TAMM41: variants seen among roughly 807,000 people sequenced by gnomAD.
The protein encoded by TAMM41 is phosphatidate cytidylyltransferase, mitochondrial.
Under a neutral mutation model 44.1 loss-of-function variants are expected in TAMM41, and 36 were observed. That is an observed-to-expected ratio of 0.82 (90% CI 0.63 to 1.08). TAMM41 has a LOEUF of 1.08. Ranked by LOEUF, TAMM41 falls within the 50% of genes least tolerant of loss-of-function variation. The pLI, the probability that TAMM41 is intolerant of heterozygous loss-of-function variation, is 0.00. For missense variants in TAMM41, 417 were observed against 404.3 expected (o/e 1.03, Z -0.27); for synonymous variants, 164 against 153.1 (o/e 1.07, Z -0.53).
chr3:11,837,387 G>A (rs1451749734), intron 3 of TAMM41, among the ~76,000 whole-genome samples: 2 of 150,966 alleles, frequency 1.3e-5, no homozygotes, highest in Non-Finnish European at 2.9e-5. Flanking sequence ...CTTTCTCAGA[G>A]CACAGACTGA....
chr3:11,817,038 AT>A, intron 5 of TAMM41, 153 bp downstream of exon 5: 1 of 741,238 alleles, frequency 1.3e-6, no homozygotes. Flanking sequence ...TTTTAGCATT[AT>A]TCCAGATACA....
intron 3 of TAMM41, chr3:11,830,640 C>T (rs1300456641): frequency 6.6e-6 from 1 of 151,922 alleles, no homozygotes; most frequent in Non-Finnish European, 1.5e-5. Context: ...TTTGGGAGGC[C>T]AAAGCAGGGG....
chr3:11,756,432 C>T, the TAMM41 span, among the ~76,000 whole-genome samples: 2 of 152,162 alleles, frequency 1.3e-5, no homozygotes, highest in Admixed American at 6.6e-5. Context: ...TCCAGACAGT[C>T]TCTCAGTTAA....
the TAMM41 span, among the ~76,000 whole-genome samples, chr3:11,752,311 CA>C: frequency 6.6e-6 from 1 of 152,040 alleles, no homozygotes; most frequent in Non-Finnish European, 1.5e-5. Context: ...TTGTGAAGAG[CA>C]AAAGAACAAA....
the TAMM41 span, among the ~76,000 whole-genome samples, chr3:11,723,436 T>C: frequency 1.3e-5 from 2 of 151,846 alleles, no homozygotes; most frequent in Non-Finnish European, 2.9e-5. Flanking sequence ...AAAAATTAGC[T>C]GGGCGTGGTG....
rs770980062 is a variant in TAMM41 at position 11,809,603 on chromosome 3, A to G, written c.788T>C (p.Met263Thr). 1.2e-6 allele frequency: 2 copies of G among 1,614,136 alleles called. No individual in the cohort carries two copies. Among genetic ancestry groups the G allele is most frequent in the Non-Finnish European group, 1.7e-6 (2 of 1,179,988 alleles). The change falls in exon 6 of 8, where the codon ATG becomes ACG. Residue 263 changes from methionine (M) to threonine (T), a missense_variant. Transcript: ENST00000455809. ...ATCTCTGTTTTTTCCAGGAGGGTCC[A>G]TAATATGATTTATCTGTTGCTGTAA... ...KTLQQQINHI[M>T]DPPGKNRDVE...
At position 11,809,574 on chromosome 3, in the gene TAMM41, C is replaced by G; in HGVS notation, c.817G>C (p.Glu273Gln). 1 of 1,614,126 alleles carries G rather than the reference C, an allele frequency of 6.2e-7. No individual in the cohort carries two copies. The highest frequency in any genetic ancestry group is 8.5e-7 in the Non-Finnish European group (1 of 1,180,022). The part of the protein sequence containing the change: ...MDPPGKNRDV[E>Q]ETLFQVAHDP... The stretch of plus-strand genomic sequence containing the variant: ...TGAGCCACTTGGAATAAAGTTTCTT[C>G]CACATCTCTGTTTTTTCCAGGAGGG... Residue 273 changes from glutamate (E) to glutamine (Q), a missense_variant, in exon 6 of 8, where the codon GAA becomes CAA. Transcript: ENST00000455809.
chr3:11,808,226 C>T (rs761378751), intron 6 of TAMM41: 192 of 1,109,356 alleles, frequency 1.7e-4, no homozygotes, highest in Non-Finnish European at 2.0e-4. Context: ...TTCTGGTTCT[C>T]AATTCCATAA....
chr3:11,832,283 C>CA (rs71628729), intron 3 of TAMM41, among the ~76,000 whole-genome samples: 57 of 31,266 alleles, frequency 1.8e-3, no homozygotes, highest in Middle Eastern at 0.012. Context: ...TTCAGAAAAA[C>CA]AAAAAAAAAA....
At chr3:11,725,857 T>C in the TAMM41 span, among the ~76,000 whole-genome samples, 1 of 152,128 alleles carries the variant, frequency 6.6e-6, no homozygotes, top group South Asian at 2.1e-4. Context: ...ACATGGTCCA[T>C]GTGGGCGTGG....
intron 4 of TAMM41, 59 bp from the exon 5 acceptor site, chr3:11,817,396 G>C: frequency 1.3e-6 from 2 of 1,545,754 alleles, no homozygotes; most frequent in Middle Eastern, 2.1e-4. Context: ...CTCGACCTAT[G>C]AACGACGCTC....
chr3:11,817,431 ACT>A, intron 4 of TAMM41, 94 bp from the exon 5 acceptor site: 1 of 1,303,844 alleles, frequency 7.7e-7, no homozygotes, highest in Non-Finnish European at 1.0e-6. Context: ...GCACGGGTTC[ACT>A]CTGGCAGGAT....
At chr3:11,813,444 C>A (rs2078152646) in intron 5 of TAMM41, among the ~76,000 whole-genome samples, 2 of 152,114 alleles carry the variant, frequency 1.3e-5, no homozygotes, top group South Asian at 4.1e-4. Flanking sequence ...GCACAAGAAT[C>A]GCTTGAACTT....
At chr3:11,730,690 C>T in the TAMM41 span, among the ~76,000 whole-genome samples, 4 of 151,912 alleles carry the variant, frequency 2.6e-5, no homozygotes, top group Non-Finnish European at 4.4e-5. Flanking sequence ...GCTGAGATCA[C>T]GCCATTGCAC....
intron 4 of TAMM41, among the ~76,000 whole-genome samples, chr3:11,823,251 GTTGTTT>G: frequency 7.1e-6 from 1 of 140,524 alleles, no homozygotes; most frequent in East Asian, 2.0e-4. Context: ...TGTTGTTGTT[GTTGTTT>G]TTTTTTTTTT....
chr3:11,835,879 G>C (rs1396177767), intron 3 of TAMM41, among the ~76,000 whole-genome samples: 1 of 152,114 alleles, frequency 6.6e-6, no homozygotes, highest in Non-Finnish European at 1.5e-5. Context: ...CAGTGGTGCA[G>C]GGTCACAACA....
the TAMM41 span, among the ~76,000 whole-genome samples, chr3:11,765,953 C>T: frequency 1.3e-5 from 2 of 152,078 alleles, no homozygotes; most frequent in Non-Finnish European, 2.9e-5. Context: ...CCACCCACCT[C>T]AGCCTTTAAA....
intron 4 of TAMM41, among the ~76,000 whole-genome samples, chr3:11,828,523 C>A (rs2078851772): frequency 6.6e-6 from 1 of 152,198 alleles, no homozygotes; most frequent in African/African-American, 2.4e-5. Flanking sequence ...TCCGTTCCAT[C>A]ATTTTTCACA....
chr3:11,812,586 A>T (rs1158184175), intron 5 of TAMM41, among the ~76,000 whole-genome samples: 5 of 152,158 alleles, frequency 3.3e-5, no homozygotes, highest in African/African-American at 1.2e-4. Flanking sequence ...GTTCCCAGAG[A>T]AGGGATGCTT....
Sources: gnomAD v4.1 joint callset for allele counts (sites outside exome capture counted in the v4.1 genomes callset) on GRCh38, gnomAD v4.1.1 for gene constraint, MANE v1.5 for transcripts, NCBI Gene and HGNC (gene_info 2026-07-23, HGNC 2026-07-21) for gene names.